The following ASAP3 variants were observed in gnomAD, a reference collection of about 807,000 sequenced individuals.
ASAP3 encodes the protein ArfGAP with SH3 domain, ankyrin repeat and PH domain 3, also known as arf-GAP with SH3 domain, ANK repeat and PH domain-containing protein 3.
A neutral mutation model predicts 118.2 loss-of-function variants in ASAP3; 85 were observed. The observed-to-expected ratio is 0.72, with a 90% CI of 0.60 to 0.86. The LOEUF (loss-of-function observed/expected upper bound fraction) is 0.86, where lower values mean the gene tolerates loss of function less well. ASAP3 is among the 40% of genes least tolerant of loss of function. The pLI is 0.00. For synonymous variants in ASAP3, 432 were observed against 477.4 expected (o/e 0.90, Z 1.24); for missense variants, 1,026 against 1,175.0 (o/e 0.87, Z 1.85).
At chr1:23,457,051 C>T (rs570963933) in intron 1 of ASAP3, among the ~76,000 whole-genome samples, 13 of 152,300 alleles carry the variant, frequency 8.5e-5, no homozygotes, top group Admixed American at 4.6e-4. Context: ...AAGTTGACAA[C>T]CTCATGAAAT....
At chr1:23,467,348 G>A (rs908101845) in intron 1 of ASAP3, among the ~76,000 whole-genome samples, 7 of 152,036 alleles carry the variant, frequency 4.6e-5, no homozygotes, top group African/African-American at 1.7e-4. Flanking sequence ...GACTACAGGC[G>A]TGAGCCACCA....
At chr1:23,443,157 G>C (rs1310336403) in intron 5 of ASAP3, among the ~76,000 whole-genome samples, 5 of 152,222 alleles carry the variant, frequency 3.3e-5, no homozygotes, top group Non-Finnish European at 5.9e-5. Context: ...AAACAGTTCT[G>C]ATTTTCCTGG....
rs758751567 is a variant in ASAP3, at chr1:23,433,147, A to G, written c.2253T>C (p.Cys751=). 6.2e-7 allele frequency: 1 copy of G among 1,614,062 alleles called. No homozygotes were observed. The highest frequency in any genetic ancestry group is 8.5e-7 in the Non-Finnish European group (1 of 1,179,996). ...AATPQGESED[C]PPPLPVKNSS... is the part of the protein sequence containing the mutation. ...AGTTTTTGACTGGCAAGGGCGGGGG[A>G]CAGTCCTCACTCTCGCCCTGAGGGG... Residue 751 remains cysteine, a synonymous_variant, in exon 22 of 25, where the codon TGT becomes TGC. Transcript: ENST00000336689.
intron 5 of ASAP3, among the ~76,000 whole-genome samples, chr1:23,449,174 C>T (rs561016367): frequency 1.3e-5 from 2 of 152,324 alleles, no homozygotes; most frequent in African/African-American, 4.8e-5. Flanking sequence ...GTGTGGGTTT[C>T]TGCCTGTCAA....
chr1:23,436,438 C>T lies in ASAP3; in HGVS notation c.1571+122G>A. ...TTGGCCTCCCAAAGTGCTGGGATTA[C>T]AGGCGTGAGCCACTGCGCCCAGCCT... On this transcript the variant is annotated intron_variant, in intron 16 of 24. Transcript: ENST00000336689. This position sits in a 1 kb window ranked among gnomAD's most constrained non-coding sequence, Gnocchi z 4.2. 2 of 1,072,338 alleles carry T rather than the reference C, an allele frequency of 1.9e-6. No individual in the cohort carries two copies. Among genetic ancestry groups the T allele is most frequent in the Non-Finnish European group, 1.4e-6 (1 of 732,398 alleles). The allele number at this position is 1,072,338 out of a possible 1,614,324, so 66.4% of individuals were successfully genotyped here.
At chr1:23,474,376 T>TTCTCC (rs1642057190) in intron 1 of ASAP3, among the ~76,000 whole-genome samples, 1 of 152,080 alleles carries the variant, frequency 6.6e-6, no homozygotes, top group South Asian at 2.1e-4. Flanking sequence ...CGAGCACCCC[T>TTCTCC]TCTCCTCGGA....
chr1:23,484,184 T>TGCTCCGCGCTGAGCC (rs1323704023), upstream of ASAP3: 18 of 1,221,118 alleles, frequency 1.5e-5, no homozygotes, highest in African/African-American at 2.8e-4. Flanking sequence ...GGCACTGAGC[T>TGCTCCGCGCTGAGCC]GCTCCGCGCT....
chr1:23,471,051 A>G (rs891738224), intron 1 of ASAP3, among the ~76,000 whole-genome samples: 8 of 152,274 alleles, frequency 5.3e-5, no homozygotes, highest in Admixed American at 3.9e-4. Context: ...AGCAAACAGT[A>G]CTTCCCACCT....
intron 5 of ASAP3, among the ~76,000 whole-genome samples, chr1:23,450,648 G>A (rs1570364879): frequency 1.3e-5 from 2 of 150,816 alleles, no homozygotes; most frequent in South Asian, 4.2e-4. Flanking sequence ...TTATCCGCCT[G>A]CCATAACCCT....
chr1:23,451,438 G>A, intron 5 of ASAP3, 41 bp downstream of exon 5: 2 of 1,596,700 alleles, frequency 1.3e-6, no homozygotes, highest in South Asian at 1.1e-5. Flanking sequence ...CAGCCTAAGT[G>A]CTACTCTCCC....
At chr1:23,470,951 C>T (rs543877487) in intron 1 of ASAP3, among the ~76,000 whole-genome samples, 2 of 152,202 alleles carry the variant, frequency 1.3e-5, no homozygotes, top group South Asian at 4.1e-4. Flanking sequence ...GGACTAACCG[C>T]GGAAGGTTCC....
At chr1:23,449,094 C>G (rs1641134228) in intron 5 of ASAP3, among the ~76,000 whole-genome samples, 1 of 152,152 alleles carries the variant, frequency 6.6e-6, no homozygotes, top group Non-Finnish European at 1.5e-5. Context: ...GATGATGAAG[C>G]TGAGATCCAG....
intron 22 of ASAP3, among the ~76,000 whole-genome samples, chr1:23,432,480 T>G (rs1640474238): frequency 6.6e-6 from 1 of 152,198 alleles, no homozygotes; most frequent in African/African-American, 2.4e-5. Context: ...TCAGGTTCAC[T>G]CATATGCTAT....
Position 23,455,985 on chromosome 1 carries a change from A to T in ASAP3, c.244T>A (p.Ser82Thr). 6.2e-7 allele frequency: 1 copy of T among 1,614,004 alleles called. No homozygotes were observed. The highest frequency in any genetic ancestry group is 8.5e-7 in the Non-Finnish European group (1 of 1,180,008). Residue 82 changes from serine (S) to threonine (T), a missense_variant, in exon 3 of 25, where the codon TCC (serine) becomes ACC (threonine). Coordinates refer to ENST00000336689, the MANE Select transcript of ASAP3 (RefSeq NM_017707.4). ...NEEQYREAVE[S>T]LGNSHLSQNS... ...TGGGACAGGTGGCTGTTGCCTAAGG[A>T]TTCCACGGCCTCTCGGTACTGCTCT...
At chr1:23,462,269 C>A (rs939117710) in intron 1 of ASAP3, among the ~76,000 whole-genome samples, 1 of 151,606 alleles carries the variant, frequency 6.6e-6, no homozygotes, top group African/African-American at 2.4e-5. Context: ...CATGATCCGC[C>A]TGCCTCGGCC....
At position 23,441,213 on chromosome 1, in the gene ASAP3, T is replaced by C. The variant is rs369468875; in HGVS notation, c.835-2A>G. Reference sequence around the variant, plus strand: ...TGAGTTCTTCCGGCTCAGGTGTTCCTGTCCCTCGGACATGCAAAGGAGACC... The same window carrying C: ...TGAGTTCTTCCGGCTCAGGTGTTCCCGTCCCTCGGACATGCAAAGGAGACC... On this transcript the variant is annotated splice_acceptor_variant, in intron 9 of 24. Coordinates refer to ENST00000336689, the MANE Select transcript of ASAP3 (RefSeq NM_017707.4). LOFTEE classifies it high-confidence loss of function. 16 of 1,614,082 alleles carry C rather than the reference T, an allele frequency of 9.9e-6. No individual in the cohort carries two copies. The highest frequency in any genetic ancestry group is 3.3e-5 in the Admixed American group (2 of 60,008).
chr1:23,483,956 G>C (rs1486487298), intron 1 of ASAP3, 49 bp downstream of exon 1: 3 of 1,247,328 alleles, frequency 2.4e-6, no homozygotes, highest in African/African-American at 3.1e-5. Flanking sequence ...TGGAGGTCAA[G>C]GCCAGGCCCG....
intron 1 of ASAP3, among the ~76,000 whole-genome samples, chr1:23,459,683 A>G (rs1381017335): frequency 6.6e-6 from 1 of 152,252 alleles, no homozygotes; most frequent in African/African-American, 2.4e-5. Flanking sequence ...AAGGCAGAAG[A>G]GGAAGAGTGG....
chr1:23,446,439 C>CTTTTTTTT (rs11365378), intron 5 of ASAP3, among the ~76,000 whole-genome samples: 1 of 130,210 alleles, frequency 7.7e-6, no homozygotes, highest in African/African-American at 2.8e-5. Context: ...GTTTTTTTGT[C>CTTTTTTTT]TTTTTTTTTT....
Sources: gnomAD v4.1 joint callset for allele counts (sites outside exome capture counted in the v4.1 genomes callset) on GRCh38, gnomAD v4.1.1 for gene constraint, Gnocchi (gnomAD v3.1) non-coding constraint, MANE v1.5 for transcripts, NCBI Gene and HGNC (gene_info 2026-07-23, HGNC 2026-07-21) for gene names.